CTNNA3: variants seen among roughly 807,000 people sequenced by gnomAD.
CTNNA3 encodes catenin alpha 3.
In CTNNA3, 76 loss-of-function variants were observed where a neutral mutation model predicts 95.7. The observed-to-expected ratio is 0.79, with a 90% CI of 0.66 to 0.96. CTNNA3 has a LOEUF of 0.96. CTNNA3 is among the 40% of genes least tolerant of loss of function. The probability of loss-of-function intolerance (pLI) is 0.00; values close to 1 mark genes in which losing one functional copy is unlikely to be tolerated. For missense variants in CTNNA3, 1,191 were observed against 1,089.8 expected, an observed-to-expected ratio of 1.09 and a Z score of -1.31; for synonymous variants, 431 against 374.4, an observed-to-expected ratio of 1.15 and a Z score of -1.74.
chr10:66,769,117 C>T (rs1839980913), intron 8 of CTNNA3, among the ~76,000 whole-genome samples: 1 of 152,122 alleles, frequency 6.6e-6, no homozygotes, highest in East Asian at 1.9e-4. Context: ...CAACTATAGC[C>T]AAAAAGTCTT....
chr10:66,739,854 C>T (rs1849269180), intron 9 of CTNNA3, among the ~76,000 whole-genome samples: 1 of 151,968 alleles, frequency 6.6e-6, no homozygotes, highest in South Asian at 2.1e-4. Context: ...AAAATATATA[C>T]ATATGTGTAT....
intron 15 of CTNNA3, among the ~76,000 whole-genome samples, chr10:66,013,358 A>C (rs957737842): frequency 1.2e-4 from 19 of 152,234 alleles, no homozygotes; most frequent in Non-Finnish European, 2.5e-4. Flanking sequence ...AAAAACTATA[A>C]GTCTATATAA....
At chr10:67,343,203 G>A (rs1273516983) in intron 5 of CTNNA3, among the ~76,000 whole-genome samples, 2 of 152,102 alleles carry the variant, frequency 1.3e-5, no homozygotes, top group East Asian at 1.9e-4. Flanking sequence ...TGCCCGCCTT[G>A]GCCTCCCAAA....
intron 6 of CTNNA3, among the ~76,000 whole-genome samples, chr10:67,194,873 T>C (rs1863275812): frequency 6.6e-6 from 1 of 151,960 alleles, no homozygotes; most frequent in African/African-American, 2.4e-5. Context: ...AAAACTGCTC[T>C]AAAATAAAGT....
At chr10:67,360,052 T>C (rs2394369) in intron 5 of CTNNA3, among the ~76,000 whole-genome samples, 140,039 of 152,114 alleles carry the variant, frequency 0.92, 64,843 homozygotes, top group East Asian at 1. Flanking sequence ...AGCCTATTTT[T>C]GGCATCCCTA....
chr10:66,438,687 T>C (rs6480170), intron 11 of CTNNA3, among the ~76,000 whole-genome samples: 62,506 of 151,950 alleles, frequency 0.41, 13,911 homozygotes, highest in East Asian at 0.6. Context: ...TCAGCCCCCT[T>C]TCCAGCGGAG....
chr10:67,321,532 A>G (rs1463979399), intron 5 of CTNNA3, among the ~76,000 whole-genome samples: 1 of 152,202 alleles, frequency 6.6e-6, no homozygotes, highest in Non-Finnish European at 1.5e-5. Context: ...AGGGAAAGAA[A>G]TCCACATCAG....
chr10:66,825,456 A>C (rs1289942264), intron 7 of CTNNA3, among the ~76,000 whole-genome samples: 4 of 151,516 alleles, frequency 2.6e-5, no homozygotes, highest in Non-Finnish European at 5.9e-5. Context: ...TGGTATTTTT[A>C]GTAGAGATGG....
intron 7 of CTNNA3, among the ~76,000 whole-genome samples, chr10:67,066,311 G>C (rs185581719): frequency 7.3e-5 from 11 of 150,182 alleles, no homozygotes; most frequent in Admixed American, 6.7e-4. Context: ...TCCTGCCTCA[G>C]CCTCCCAAGT....
chr10:67,250,513 C>G (rs1219622239), intron 5 of CTNNA3, among the ~76,000 whole-genome samples: 1 of 150,832 alleles, frequency 6.6e-6, no homozygotes, highest in African/African-American at 2.4e-5. Flanking sequence ...CCGCGCCCGG[C>G]CACAGAGGGC....
chr10:66,523,962 G>A (rs1172100128), intron 10 of CTNNA3, among the ~76,000 whole-genome samples: 1 of 152,142 alleles, frequency 6.6e-6, no homozygotes, highest in Admixed American at 6.6e-5. Context: ...CTTACCTACA[G>A]TTCATTCTGC....
chr10:66,040,536 C>T (rs1487843790), intron 15 of CTNNA3, among the ~76,000 whole-genome samples: 1 of 151,802 alleles, frequency 6.6e-6, no homozygotes, highest in East Asian at 1.9e-4. Flanking sequence ...CCATGGAATA[C>T]TATGCAGCCA....
intron 9 of CTNNA3, among the ~76,000 whole-genome samples, chr10:66,685,160 C>T (rs532771734): frequency 2.3e-5 from 3 of 129,220 alleles, no homozygotes; most frequent in South Asian, 2.4e-4. Flanking sequence ...TATATATACA[C>T]GTATATATAT....
At chr10:66,640,534 C>T (rs1450383521) in intron 9 of CTNNA3, among the ~76,000 whole-genome samples, 2 of 152,128 alleles carry the variant, frequency 1.3e-5, no homozygotes, top group Middle Eastern at 3.2e-3. Context: ...CTACCTTTCT[C>T]CCTTCATTAC....
chr10:66,840,065 C>T (rs568011210), intron 7 of CTNNA3, among the ~76,000 whole-genome samples: 2 of 152,158 alleles, frequency 1.3e-5, no homozygotes, highest in South Asian at 4.1e-4. Flanking sequence ...CCCGAATAGG[C>T]CAGGTGATGC....
chr10:66,352,161 C>G (rs1194196474), intron 12 of CTNNA3, among the ~76,000 whole-genome samples: 1 of 151,950 alleles, frequency 6.6e-6, no homozygotes, highest in East Asian at 1.9e-4. Flanking sequence ...AAGAAGGTAT[C>G]AAATGGAAGG....
Position 66,219,474 on chromosome 10 carries a change from T to C in CTNNA3, c.1884+60996A>G, listed in dbSNP as rs376568685. ...ACTGCTGAGATTCAGTTATAGAAAA[T>C]TGTGGCTTCCGTTTTGTTCCCTCTC... is the stretch of plus-strand genomic sequence containing the variant. On this transcript the variant is annotated intron_variant, in intron 13 of 17. Coordinates refer to ENST00000433211, the MANE Select transcript of CTNNA3 (RefSeq NM_013266.4). Among the ~76,000 whole-genome samples the C allele has an allele frequency of 1.8e-4, 27 of 152,264 alleles. No individual in the cohort carries two copies. The East Asian group carries it at 4.4e-3, about 25-fold the overall frequency.
intron 17 of CTNNA3, among the ~76,000 whole-genome samples, chr10:65,928,592 A>G (rs2077203074): frequency 6.6e-6 from 1 of 152,200 alleles, no homozygotes; most frequent in Non-Finnish European, 1.5e-5. Context: ...TCTTATATAA[A>G]TTGTAGAATT....
intron 12 of CTNNA3, among the ~76,000 whole-genome samples, chr10:66,329,203 A>G (rs2092295334): frequency 6.6e-6 from 1 of 151,746 alleles, no homozygotes; most frequent in Admixed American, 6.6e-5. Flanking sequence ...CACCCACCTC[A>G]GCCTCCTAAA....
Sources: allele counts gnomAD v4.1 joint callset (sites outside exome capture counted in the v4.1 genomes callset), GRCh38; gene constraint gnomAD v4.1.1; transcripts MANE v1.5; gene names NCBI Gene and HGNC (gene_info 2026-07-23, HGNC 2026-07-21).